HCRTR2: variants seen among roughly 807,000 people sequenced by gnomAD.
HCRTR2 encodes orexin receptor type 2.
A neutral mutation model predicts 49.0 loss-of-function variants in HCRTR2; 22 were observed. The observed-to-expected ratio is 0.45, with a 90% CI of 0.32 to 0.64. The LOEUF (loss-of-function observed/expected upper bound fraction) is 0.64. Among genes scored for constraint, HCRTR2 ranks in the 30% least tolerant of loss-of-function variants. HCRTR2 has a pLI of 0.04. For missense variants in HCRTR2, 491 were observed against 559.4 expected, an observed-to-expected ratio of 0.88 and a Z score of 1.23; for synonymous variants, 236 against 205.3, an observed-to-expected ratio of 1.15 and a Z score of -1.28.
chr6:55,149,770 C>T (rs1430504303), intron 1 of HCRTR2, among the ~76,000 whole-genome samples: 1 of 151,950 alleles, frequency 6.6e-6, no homozygotes, highest in Non-Finnish European at 1.5e-5. Context: ...TTAATTACAT[C>T]TGTATAAAAT....
At chr6:55,150,725 C>A (rs1200752304) in intron 1 of HCRTR2, among the ~76,000 whole-genome samples, 1 of 151,860 alleles carries the variant, frequency 6.6e-6, no homozygotes, top group Non-Finnish European at 1.5e-5. Context: ...TTTTCTTTAT[C>A]CATTTTTCTA....
upstream of HCRTR2, among the ~76,000 whole-genome samples, chr6:55,171,849 C>T (rs571316025): frequency 1.3e-5 from 2 of 152,274 alleles, no homozygotes; most frequent in South Asian, 4.1e-4. Flanking sequence ...AAAATGAAAG[C>T]TAATGACACT....
rs1007239079 is a variant in HCRTR2, at chr6:55,256,211, A to AT, written c.646+835dup. 4.5e-4 allele frequency among the ~76,000 whole-genome samples: 69 copies of AT among 152,228 alleles called. 1 individual carries two copies. Among genetic ancestry groups the AT allele is most frequent in the Admixed American group, 1.6e-3 (24 of 15,272 alleles). On this transcript the variant is annotated intron_variant, in intron 3 of 6. Coordinates refer to ENST00000370862, the MANE Select transcript of HCRTR2 (RefSeq NM_001384272.1). ...TTCCAATATATCATATGAAATATATATTTAAAAAAAAACCAATCTGACCTC... is the reference window on the plus strand; with the variant it reads ...TTCCAATATATCATATGAAATATATATTTTAAAAAAAAACCAATCTGACCTC...
chr6:55,150,796 T>C (rs1473319949), intron 1 of HCRTR2, among the ~76,000 whole-genome samples: 1 of 152,020 alleles, frequency 6.6e-6, no homozygotes, highest in Non-Finnish European at 1.5e-5. Flanking sequence ...TTAATAAACA[T>C]GAGAGTGCAG....
chr6:55,115,462 G>A (rs905019447), intron 1 of HCRTR2, among the ~76,000 whole-genome samples: 4 of 138,114 alleles, frequency 2.9e-5, no homozygotes, highest in African/African-American at 5.5e-5. Context: ...AATATCAAAT[G>A]CATTGTGTTG....
chr6:55,266,531 A>C (rs549367853), intron 4 of HCRTR2, among the ~76,000 whole-genome samples: 1 of 152,310 alleles, frequency 6.6e-6, no homozygotes, highest in South Asian at 2.1e-4. Flanking sequence ...AGGAATAAAG[A>C]TATTTTAGAT....
chr6:55,158,713 C>T (rs1039545742), intron 1 of HCRTR2, among the ~76,000 whole-genome samples: 3 of 152,152 alleles, frequency 2.0e-5, no homozygotes, highest in Admixed American at 6.5e-5. Context: ...GTGGAGCCCA[C>T]GACAGTTCGG....
chr6:55,194,378 G>A (rs1355972336), intron 1 of HCRTR2, among the ~76,000 whole-genome samples: 2 of 152,234 alleles, frequency 1.3e-5, no homozygotes, highest in East Asian at 3.9e-4. Flanking sequence ...AAAAGAAGTA[G>A]AGTTCCTTTT....
intron 1 of HCRTR2, among the ~76,000 whole-genome samples, chr6:55,186,406 G>T (rs925948054): frequency 6.6e-6 from 1 of 151,998 alleles, no homozygotes; most frequent in Non-Finnish European, 1.5e-5. Flanking sequence ...CTATTTTGTA[G>T]TTATTCTAGT....
intron 1 of HCRTR2, among the ~76,000 whole-genome samples, chr6:55,114,432 A>G (rs775620993): frequency 3.3e-5 from 5 of 151,656 alleles, no homozygotes; most frequent in Non-Finnish European, 7.4e-5. Flanking sequence ...GCTCACCAAC[A>G]CTGTTAACAG....
At chr6:55,247,732 G>A (rs1272238452) in intron 1 of HCRTR2, among the ~76,000 whole-genome samples, 1 of 152,122 alleles carries the variant, frequency 6.6e-6, no homozygotes, top group Non-Finnish European at 1.5e-5. Context: ...AACTGAATGA[G>A]ACAGTACATC....
intron 4 of HCRTR2, among the ~76,000 whole-genome samples, chr6:55,266,154 T>G (rs1170832056): frequency 6.6e-6 from 1 of 152,210 alleles, no homozygotes; most frequent in Non-Finnish European, 1.5e-5. Flanking sequence ...TGTTGTTTAA[T>G]AATGGCCTCT....
chr6:55,272,866 T>TG (rs1454919656), intron 4 of HCRTR2, among the ~76,000 whole-genome samples: 3 of 149,720 alleles, frequency 2.0e-5, no homozygotes, highest in Non-Finnish European at 3.0e-5. Flanking sequence ...TTTTTTTTTT[T>TG]GCAAAGAAGA....
intron 1 of HCRTR2, among the ~76,000 whole-genome samples, chr6:55,109,045 AG>A (rs969311187): frequency 6.6e-6 from 1 of 152,104 alleles, no homozygotes; most frequent in African/African-American, 2.4e-5. Flanking sequence ...TCCACGGCTG[AG>A]GGACCTGAAG....
intron 1 of HCRTR2, among the ~76,000 whole-genome samples, chr6:55,137,940 TA>T (rs1011560957): frequency 3.9e-5 from 6 of 152,176 alleles, no homozygotes; most frequent in Admixed American, 2.0e-4. Flanking sequence ...AATGTGGCCA[TA>T]GGAACTTTAG....
chr6:55,276,490 A>T (rs1017117285), intron 4 of HCRTR2, among the ~76,000 whole-genome samples: 1 of 152,192 alleles, frequency 6.6e-6, no homozygotes, highest in African/African-American at 2.4e-5. Flanking sequence ...TAATCTTAAC[A>T]GAGCTAAGGT....
At chr6:55,253,995 G>A (rs3122171) in intron 2 of HCRTR2, among the ~76,000 whole-genome samples, 17 of 152,072 alleles carry the variant, frequency 1.1e-4, no homozygotes, top group African/African-American at 4.1e-4. Context: ...ATTTATCTAT[G>A]TAACAAACCT....
chr6:55,167,265 C>T (rs28385614), intron 1 of HCRTR2, among the ~76,000 whole-genome samples: 24,886 of 152,156 alleles, frequency 0.16, 2,348 homozygotes, highest in Non-Finnish European at 0.22. Flanking sequence ...TTAGCGATTG[C>T]ATTTGTATTG....
At chr6:55,195,337 T>G (rs369738219) in intron 1 of HCRTR2, among the ~76,000 whole-genome samples, 7 of 152,058 alleles carry the variant, frequency 4.6e-5, no homozygotes, top group South Asian at 2.1e-4. Context: ...AAAGATACCA[T>G]GAGGAAAGTG....
Sources: allele counts gnomAD v4.1 joint callset (sites outside exome capture counted in the v4.1 genomes callset), GRCh38; gene constraint gnomAD v4.1.1; transcripts MANE v1.5; gene names NCBI Gene and HGNC (gene_info 2026-07-23, HGNC 2026-07-21).